Variants in IRX3 observed in about 807,000 individuals in gnomAD.
IRX3 encodes iroquois homeobox 3.
In IRX3, 20 loss-of-function variants were observed where a neutral mutation model predicts 36.4. That is an observed-to-expected ratio of 0.55 (90% confidence interval 0.39 to 0.80). The LOEUF (loss-of-function observed/expected upper bound fraction) is 0.80, where lower values mean the gene tolerates loss of function less well. IRX3 is among the 30% of genes least tolerant of loss of function. IRX3 has a pLI of 0.00. For missense variants in IRX3, 718 were observed against 733.2 expected, an observed-to-expected ratio of 0.98 and a Z score of 0.24; for synonymous variants, 404 against 351.6, an observed-to-expected ratio of 1.15 and a Z score of -1.67.
At position 54,283,829 on chromosome 16, in the gene IRX3, C is replaced by A. The variant is rs1440685645; in HGVS notation, c.1452-89G>T. 2 of 1,581,078 alleles carry A rather than the reference C, an allele frequency of 1.3e-6. No individual in the cohort carries two copies. The highest frequency in any genetic ancestry group is 8.6e-7 in the Non-Finnish European group (1 of 1,164,212). ...CGGGGAGATCCTACTTGGATTGGGG[C>A]CGATCGTCAGGAAGGTGTCGCAATG... On this transcript the variant is annotated intron_variant, in intron 3 of 3. Coordinates refer to ENST00000329734, the MANE Select transcript of IRX3 (RefSeq NM_024336.3). This position sits in a 1 kb window ranked among gnomAD's most constrained non-coding sequence, Gnocchi z 4.4.
rs1901257869 is a variant in IRX3 at position 54,284,380 on chromosome 16, A to G, written c.1385-68T>C. On this transcript the variant is annotated intron_variant, in intron 2 of 3. Transcript: ENST00000329734. The surrounding 1 kb of genome is among the most constrained non-coding windows in gnomAD (Gnocchi z 4.0). ...TCGGTGCCGGCGCCCAGGGCCGCAG[A>G]AAGCAGGAGTGGAGAGGGACGCGCG... is the stretch of plus-strand genomic sequence containing the variant. The G allele has an allele frequency of 1.3e-6, 2 of 1,539,504 alleles. No homozygotes were observed. The highest frequency in any genetic ancestry group is 8.7e-7 in the Non-Finnish European group (1 of 1,147,992).
rs1190837187 is a variant in IRX3, at chr16:54,283,506, T to TG, written c.*179dup. 1.8e-5 allele frequency: 9 copies of TG among 507,678 alleles called. No homozygotes were observed. Among genetic ancestry groups the TG allele is most frequent in the African/African-American group, 1.7e-4 (9 of 51,962 alleles). The allele number at this position is 507,678 out of a possible 1,614,324, so 31.4% of individuals were successfully genotyped here. A position where few individuals can be genotyped will look rare whatever the true frequency, so the allele number is the denominator to read the frequency against. On this transcript the variant is annotated 3_prime_UTR_variant, in exon 4 of 4. Transcript: ENST00000329734. The surrounding 1 kb of genome is among the most constrained non-coding windows in gnomAD (Gnocchi z 4.4). ...AATGCGGGGTGCCACAGAAGCGACT[T>TG]GGGGAGGGCTGAGGAGGACTGGTTT...
Position 54,284,420 on chromosome 16 carries a change from G to C in IRX3, c.1384+77C>G, listed in dbSNP as rs1323238533. 1.8e-5 allele frequency: 26 copies of C among 1,425,902 alleles called. No individual in the cohort carries two copies. The highest frequency in any genetic ancestry group is 2.2e-5 in the Non-Finnish European group (24 of 1,097,066). 88.3% of individuals were successfully genotyped at this position (1,425,902 alleles called of 1,614,324 possible). A position where few individuals can be genotyped will look rare whatever the true frequency, so the allele number is the denominator to read the frequency against. On this transcript the variant is annotated intron_variant, in intron 2 of 3. Transcript: ENST00000329734. This position sits in a 1 kb window ranked among gnomAD's most constrained non-coding sequence, Gnocchi z 4.0. Reference sequence around the variant, plus strand: ...AGGGACGCGCGCCCTGCGCCCCCCGGGCCCTGCCCCTCCCGGCCAGCTCCG... The same window carrying C: ...AGGGACGCGCGCCCTGCGCCCCCCGCGCCCTGCCCCTCCCGGCCAGCTCCG...
Position 54,283,388 on chromosome 16 carries a change from C to T in IRX3, c.*298G>A, listed in dbSNP as rs1457010512. The T allele has an allele frequency of 1.5e-5, 4 of 266,280 alleles. No homozygotes were observed. In the Middle Eastern group the frequency reaches 3.7e-3, roughly 247 times the overall value. 16.5% of individuals were successfully genotyped at this position (266,280 alleles called of 1,614,324 possible). ...ATTTGGTTCACACATATGTACATTT[C>T]TCTGTATATATACACACACACAAAG... On this transcript the variant is annotated 3_prime_UTR_variant, in exon 4 of 4. Transcript: ENST00000329734. This position sits in a 1 kb window ranked among gnomAD's most constrained non-coding sequence, Gnocchi z 4.4.
rs1423989514 is a variant in IRX3 at position 54,283,510 on chromosome 16, G to A, written c.*176C>T. 1.9e-6 allele frequency: 1 copy of A among 520,752 alleles called. No homozygotes were observed. The allele number at this position is 520,752 out of a possible 1,614,324, so 32.3% of individuals were successfully genotyped here. On this transcript the variant is annotated 3_prime_UTR_variant, in exon 4 of 4. Coordinates refer to ENST00000329734, the MANE Select transcript of IRX3 (RefSeq NM_024336.3). The surrounding 1 kb of genome is among the most constrained non-coding windows in gnomAD (Gnocchi z 4.4). Reference sequence around the variant, plus strand: ...CGGGGTGCCACAGAAGCGACTTGGGGAGGGCTGAGGAGGACTGGTTTTATT... The same window carrying A: ...CGGGGTGCCACAGAAGCGACTTGGGAAGGGCTGAGGAGGACTGGTTTTATT...
At position 54,284,174 on chromosome 16, in the gene IRX3, G is replaced by T; in HGVS notation, c.1451+72C>A. 1 of 1,442,416 alleles carries T rather than the reference G, an allele frequency of 6.9e-7. No homozygotes were observed. Among genetic ancestry groups the T allele is most frequent in the Non-Finnish European group, 9.6e-7 (1 of 1,039,622 alleles). The allele number at this position is 1,442,416 out of a possible 1,614,324, so 89.4% of individuals were successfully genotyped here. A position where few individuals can be genotyped will look rare whatever the true frequency, so the allele number is the denominator to read the frequency against. Reference sequence around the variant, plus strand: ...CCCCTACCCCGGGGCAAAAGGCCGTGCGTGGTGCTCGGCGTCCTCTCCTTT... The same window carrying T: ...CCCCTACCCCGGGGCAAAAGGCCGTTCGTGGTGCTCGGCGTCCTCTCCTTT... On this transcript the variant is annotated intron_variant, in intron 3 of 3. Coordinates refer to ENST00000329734, the MANE Select transcript of IRX3 (RefSeq NM_024336.3). This position sits in a 1 kb window ranked among gnomAD's most constrained non-coding sequence, Gnocchi z 4.0.
At position 54,284,183 on chromosome 16, in the gene IRX3, T is replaced by C; in HGVS notation, c.1451+63A>G. The C allele has an allele frequency of 2.7e-6, 4 of 1,477,938 alleles. No individual in the cohort carries two copies. Among genetic ancestry groups the C allele is most frequent in the Non-Finnish European group, 3.7e-6 (4 of 1,068,106 alleles). 91.6% of individuals were successfully genotyped at this position (1,477,938 alleles called of 1,614,324 possible). On this transcript the variant is annotated intron_variant, in intron 3 of 3. Coordinates refer to ENST00000329734, the MANE Select transcript of IRX3 (RefSeq NM_024336.3). The surrounding 1 kb of genome is among the most constrained non-coding windows in gnomAD (Gnocchi z 4.0). ...CGGGGCAAAAGGCCGTGCGTGGTGC[T>C]CGGCGTCCTCTCCTTTCCCCGCCAG...
Position 54,285,943 on chromosome 16 carries a change from C to G in IRX3, c.108G>C (p.Leu36=). 1 of 1,455,328 alleles carries G rather than the reference C, an allele frequency of 6.9e-7. No individual in the cohort carries two copies. The highest frequency in any genetic ancestry group is 1.4e-5 in the South Asian group (1 of 71,488). The allele number at this position is 1,455,328 out of a possible 1,614,324, so 90.2% of individuals were successfully genotyped here. A position where few individuals can be genotyped will look rare whatever the true frequency, so the allele number is the denominator to read the frequency against. Residue 36 remains leucine (L), a synonymous_variant, in exon 1 of 4, where the codon CTG becomes CTC. Coordinates refer to ENST00000329734, the MANE Select transcript of IRX3 (RefSeq NM_024336.3). This position sits in a 1 kb window ranked among gnomAD's most constrained non-coding sequence, Gnocchi z 5.7. Reference sequence around the variant, plus strand: ...CGTTCAGCTCCGAGGCTCCGGCACCCAGGCCGCCCCGGGCCCCCGCGCTGC... The same window carrying G: ...CGTTCAGCTCCGAGGCTCCGGCACCGAGGCCGCCCCGGGCCCCCGCGCTGC... The part of the protein sequence containing the change: ...SGGSAGARGG[L]GAGASELNAS...
chr16:54,284,701 C>T lies in IRX3; in HGVS notation c.1180G>A (p.Ala394Thr). The T allele has an allele frequency of 7.2e-7, 1 of 1,398,212 alleles. No homozygotes were observed. Among genetic ancestry groups the T allele is most frequent in the Non-Finnish European group, 9.2e-7 (1 of 1,086,096 alleles). 86.6% of individuals were successfully genotyped at this position (1,398,212 alleles called of 1,614,324 possible). ...AGCGGCGCTGAGACCAGTCTGTGAG[C>T]GGCGGCGGCGGCGGCGGCCGGAGAG... is the stretch of plus-strand genomic sequence containing the variant. ...QLSPAAAAAA[A>T]HRLVSAPLGK... Residue 394 changes from alanine (A) to threonine (T), a missense_variant, in exon 2 of 4, where the codon GCT becomes ACT. By Grantham distance (58) the Ala-to-Thr change is moderately conservative (BLOSUM62 0). This residue lies in a region of IRX3 where 468 missense variants were observed against 462.1 expected (regional missense o/e 1.01). Coordinates refer to ENST00000329734, the MANE Select transcript of IRX3 (RefSeq NM_024336.3). The surrounding 1 kb of genome is among the most constrained non-coding windows in gnomAD (Gnocchi z 4.0).
chr16:54,283,740 C>A lies in IRX3; in HGVS notation c.1452G>T (p.Arg484=). Reference sequence around the variant, plus strand: ...GGGCGGCGTCCAGATGGTTCTGGGGCCTGGAAGAGAGAGACAGTAGTAGCA... The same window carrying A: ...GGGCGGCGTCCAGATGGTTCTGGGGACTGGAAGAGAGAGACAGTAGTAGCA... ...LKTAFQPVPR[R]PQNHLDAALV... The change falls in exon 4 of 4, where the codon CGG becomes CGT. Residue 484 remains arginine, a splice_region_variant and synonymous_variant. Transcript: ENST00000329734. This position sits in a 1 kb window ranked among gnomAD's most constrained non-coding sequence, Gnocchi z 4.4. 2 of 1,597,588 alleles carry A rather than the reference C, an allele frequency of 1.3e-6. No individual in the cohort carries two copies. The highest frequency in any genetic ancestry group is 1.7e-6 in the Non-Finnish European group (2 of 1,165,506).
At position 54,285,937 on chromosome 16, in the gene IRX3, G is replaced by A. The variant is rs1267991122; in HGVS notation, c.114C>T (p.Ala38=). 41 of 1,466,822 alleles carry A rather than the reference G, an allele frequency of 2.8e-5. No homozygotes were observed. The highest frequency in any genetic ancestry group is 3.7e-5 in the Non-Finnish European group (41 of 1,106,850). 90.9% of individuals were successfully genotyped at this position (1,466,822 alleles called of 1,614,324 possible). The change falls in exon 1 of 4, where the codon GCC becomes GCT. Residue 38 remains alanine (A), a synonymous_variant. Coordinates refer to ENST00000329734, the MANE Select transcript of IRX3 (RefSeq NM_024336.3). This position sits in a 1 kb window ranked among gnomAD's most constrained non-coding sequence, Gnocchi z 5.7. ...CCGAGGCGTTCAGCTCCGAGGCTCC[G>A]GCACCCAGGCCGCCCCGGGCCCCCG... ...GSAGARGGLG[A]GASELNASGS...
rs760761000 is a variant in IRX3 at position 54,285,131 on chromosome 16, C to CTCGTCG, written c.744_749dup (p.Asp248_Asp249dup). On this transcript the variant is annotated inframe_insertion, in exon 2 of 4. Transcript: ENST00000329734. This position sits in a 1 kb window ranked among gnomAD's most constrained non-coding sequence, Gnocchi z 5.7. ...AGTTCTCCAAATCGATCTCCTCGTC[C>CTCGTCG]TCGTCGTCGTCAGCCAGGCCCTCGC... 2 of 1,612,904 alleles carry CTCGTCG rather than the reference C, an allele frequency of 1.2e-6. No individual in the cohort carries two copies. Among genetic ancestry groups the CTCGTCG allele is most frequent in the South Asian group, 2.2e-5 (2 of 90,870 alleles).
chr16:54,285,416 G>A lies in IRX3; in HGVS notation c.465C>T (p.Pro155=), dbSNP rs1369096714. 3 of 1,614,042 alleles carry A rather than the reference G, an allele frequency of 1.9e-6. No individual in the cohort carries two copies. The highest frequency in any genetic ancestry group is 2.7e-5 in the African/African-American group (2 of 74,926). ...CCAGCATGATCTTCTCGCCCTTGGT[G>A]GGGTAGGGGTTCTTGCGGTGCTCGT... ...WLNEHRKNPY[P]TKGEKIMLAI... The change falls in exon 2 of 4, where the codon CCC becomes CCT. Residue 155 remains proline, a synonymous_variant. Coordinates refer to ENST00000329734, the MANE Select transcript of IRX3 (RefSeq NM_024336.3). This position sits in a 1 kb window ranked among gnomAD's most constrained non-coding sequence, Gnocchi z 5.7.
Position 54,285,095 on chromosome 16 carries a change from C to T in IRX3, c.786G>A (p.Ala262=), listed in dbSNP as rs1268861393. 3 of 1,613,748 alleles carry T rather than the reference C, an allele frequency of 1.9e-6. No individual in the cohort carries two copies. The highest frequency in any genetic ancestry group is 2.5e-6 in the Non-Finnish European group (3 of 1,179,998). The change falls in exon 2 of 4, where the codon GCG becomes GCA. Residue 262 remains alanine, a synonymous_variant. Coordinates refer to ENST00000329734, the MANE Select transcript of IRX3 (RefSeq NM_024336.3). The surrounding 1 kb of genome is among the most constrained non-coding windows in gnomAD (Gnocchi z 5.7). Reference sequence around the variant, plus strand: ...CCAGGGACAGCTCAGGCTCGGTGGCCGCGCCGTCTAAGTTCTCCAAATCGA... The same window carrying T: ...CCAGGGACAGCTCAGGCTCGGTGGCTGCGCCGTCTAAGTTCTCCAAATCGA... ...EEIDLENLDG[A]ATEPELSLAG... is the part of the protein sequence containing the mutation.
In IRX3 at chr16:54,286,120, G is replaced by A; in HGVS notation, c.-70C>T. 1 of 1,176,426 alleles carries A rather than the reference G, an allele frequency of 8.5e-7. No homozygotes were observed. The allele number at this position is 1,176,426 out of a possible 1,614,324, so 72.9% of individuals were successfully genotyped here. A position where few individuals can be genotyped will look rare whatever the true frequency, so the allele number is the denominator to read the frequency against. Reference sequence around the variant, plus strand: ...CCGCCCAGCTCAGCGCCGCCCGCGGGCTCCGGCGCGCATCGGGGGCTGGGC... The same window carrying A: ...CCGCCCAGCTCAGCGCCGCCCGCGGACTCCGGCGCGCATCGGGGGCTGGGC... On this transcript the variant is annotated 5_prime_UTR_variant, in exon 1 of 4. Transcript: ENST00000329734.
rs1437269921 is a variant in IRX3, at chr16:54,285,742, C to G, written c.267+42G>C. The G allele has an allele frequency of 6.7e-7, 1 of 1,489,866 alleles. No homozygotes were observed. Among genetic ancestry groups the G allele is most frequent in the East Asian group, 2.4e-5 (1 of 41,644 alleles). The allele number at this position is 1,489,866 out of a possible 1,614,324, so 92.3% of individuals were successfully genotyped here. ...CCCGCGCGCTCAGCTCGCCCTGCGC[C>G]CCAGCGCCAACCCCTCCTTCCCTGG... is the stretch of plus-strand genomic sequence containing the variant. On this transcript the variant is annotated intron_variant, in intron 1 of 3. Coordinates refer to ENST00000329734, the MANE Select transcript of IRX3 (RefSeq NM_024336.3). This position sits in a 1 kb window ranked among gnomAD's most constrained non-coding sequence, Gnocchi z 5.7.
rs759120276 is a variant in IRX3, at chr16:54,284,767, AC to A, written c.1113del (p.Ser372LeufsTer151). The A allele has an allele frequency of 1.4e-5, 21 of 1,457,282 alleles. No homozygotes were observed. Among genetic ancestry groups the A allele is most frequent in the Admixed American group, 1.1e-4 (4 of 36,012 alleles). 90.3% of individuals were successfully genotyped at this position (1,457,282 alleles called of 1,614,324 possible). A position where few individuals can be genotyped will look rare whatever the true frequency, so the allele number is the denominator to read the frequency against. On this transcript the variant is annotated frameshift_variant, in exon 2 of 4. Transcript: ENST00000329734. LOFTEE classifies it high-confidence loss of function. The surrounding 1 kb of genome is among the most constrained non-coding windows in gnomAD (Gnocchi z 4.0). ...NPRRSPPGAG[G>X]SPPGAAVAPS... is the part of the protein sequence containing the mutation. Reference sequence around the variant, plus strand: ...GGCGCGACCGCTGCCCCCGGTGGAGACCCCCCCGCGCCGGGAGGCGAGCGGC... The same window carrying A: ...GGCGCGACCGCTGCCCCCGGTGGAGACCCCCCGCGCCGGGAGGCGAGCGGC...
In IRX3 at chr16:54,283,646, T is replaced by TA. The variant is rs748733069; in HGVS notation, c.*39dup. 2 of 958,870 alleles carry TA rather than the reference T, an allele frequency of 2.1e-6. No individual in the cohort carries two copies. The highest frequency in any genetic ancestry group is 2.0e-5 in the Admixed American group (1 of 49,534). 59.4% of individuals were successfully genotyped at this position (958,870 alleles called of 1,614,324 possible). On this transcript the variant is annotated 3_prime_UTR_variant, in exon 4 of 4. Transcript: ENST00000329734. This position sits in a 1 kb window ranked among gnomAD's most constrained non-coding sequence, Gnocchi z 4.4. Reference sequence around the variant, plus strand: ...TTTTTTATACAATTATTACAACGATTAAAAAAAGTTTTTTTTGTTTTTTTG... The same window carrying TA: ...TTTTTTATACAATTATTACAACGATTAAAAAAAAGTTTTTTTTGTTTTTTTG...
rs1388158316 is a variant in IRX3, at chr16:54,285,401, C to T, written c.480G>A (p.Lys160=). Residue 160 remains lysine (K), a synonymous_variant, in exon 2 of 4, where the codon AAG becomes AAA. Transcript: ENST00000329734. This position sits in a 1 kb window ranked among gnomAD's most constrained non-coding sequence, Gnocchi z 5.7. The stretch of plus-strand genomic sequence containing the variant: ...TCTTGGTGATGATGGCCAGCATGAT[C>T]TTCTCGCCCTTGGTGGGGTAGGGGT... ...RKNPYPTKGE[K]IMLAIITKMT... The T allele has an allele frequency of 1.2e-6, 2 of 1,614,186 alleles. No homozygotes were observed. The highest frequency in any genetic ancestry group is 8.5e-7 in the Non-Finnish European group (1 of 1,180,042).
Sources: gnomAD v4.1 joint callset for allele counts on GRCh38, gnomAD v4.1.1 for gene constraint, gnomAD v4.1.1 regional missense constraint, Gnocchi (gnomAD v3.1) non-coding constraint, MANE v1.5 for transcripts, NCBI Gene and HGNC (gene_info 2026-07-23, HGNC 2026-07-21) for gene names.